Variants in MTFMT observed in about 807,000 individuals in gnomAD.
MTFMT encodes mitochondrial methionyl-tRNA formyltransferase.
MTFMT carries 47 observed loss-of-function variants against 51.8 expected under a neutral mutation model. That is an observed-to-expected ratio of 0.91 (90% confidence interval 0.72 to 1.16). The LOEUF is 1.16. Ranked by LOEUF, MTFMT falls within the 50% of genes most tolerant of loss-of-function variation. The probability of loss-of-function intolerance (pLI) is 0.00; values close to 1 mark genes in which losing one functional copy is unlikely to be tolerated. For synonymous variants in MTFMT, 196 were observed against 176.7 expected (o/e 1.11, Z -0.87); for missense variants, 512 against 482.3 (o/e 1.06, Z -0.58).
intron 6 of MTFMT, among the ~76,000 whole-genome samples, chr15:65,011,438 T>C (rs961777438): frequency 6.6e-6 from 1 of 151,658 alleles, no homozygotes; most frequent in Non-Finnish European, 1.5e-5. Flanking sequence ...ATTAGGCCCT[T>C]ATCAGTTATA....
chr15:65,016,289 T>TA, intron 6 of MTFMT, 147 bp downstream of exon 6: 1 of 540,286 alleles, frequency 1.9e-6, no homozygotes, highest in Non-Finnish European at 3.3e-6. Context: ...AGAATAAATT[T>TA]CAGGTTTTCT....
At position 65,013,759 on chromosome 15, in the gene MTFMT, C is replaced by T. The variant is rs367673756; in HGVS notation, c.813+2677G>A. 2.0e-4 allele frequency among the ~76,000 whole-genome samples: 31 copies of T among 151,948 alleles called. 1 individual carries two copies. The highest frequency in any genetic ancestry group is 7.5e-4 in the African/African-American group (31 of 41,382). The stretch of plus-strand genomic sequence containing the variant: ...AGGAGTTTGAGATCAGCCTGGCCAA[C>T]ATGGTGAAACCCCATCTCTACTAAA... On this transcript the variant is annotated intron_variant, in intron 6 of 8. Transcript: ENST00000220058.
chr15:65,019,135 C>T (rs1438402999), intron 5 of MTFMT, among the ~76,000 whole-genome samples: 1 of 152,188 alleles, frequency 6.6e-6, no homozygotes, highest in African/African-American at 2.4e-5. Context: ...AATTACCCCA[C>T]AGATTACCTG....
rs982987435 is a variant in MTFMT at position 65,026,725 on chromosome 15, A to G, written c.419+106T>C. 1.0e-4 allele frequency: 95 copies of G among 913,794 alleles called. 1 individual carries two copies. The African/African-American group carries it at 1.5e-3, about 14-fold the overall frequency. The allele number at this position is 913,794 out of a possible 1,614,324, so 56.6% of individuals were successfully genotyped here. A position where few individuals can be genotyped will look rare whatever the true frequency, so the allele number is the denominator to read the frequency against. On this transcript the variant is annotated intron_variant, in intron 2 of 8. Transcript: ENST00000220058. ...AATAAAATGGTAAAAATAAAAAAAG[A>G]AAATATTACAGAAAGCATAGAGTTC...
chr15:65,029,156 GC>G, intron 1 of MTFMT: 1 of 573,820 alleles, frequency 1.7e-6, no homozygotes, highest in Non-Finnish European at 2.2e-6. Flanking sequence ...AGCGTGGGTG[GC>G]AGGGCGCCTG....
At chr15:65,018,011 T>C (rs568603691) in intron 5 of MTFMT, among the ~76,000 whole-genome samples, 5 of 152,236 alleles carry the variant, frequency 3.3e-5, no homozygotes, top group East Asian at 1.9e-4. Flanking sequence ...ATGTTACCTA[T>C]AGAGGGAGGA....
At chr15:65,016,204 A>G in intron 6 of MTFMT, 1 of 289,752 alleles carries the variant, frequency 3.5e-6, no homozygotes, top group East Asian at 6.5e-5. Flanking sequence ...TGAAACTGCA[A>G]TATACATATA....
At chr15:65,026,642 T>C in intron 2 of MTFMT, 189 bp downstream of exon 2, 1 of 594,032 alleles carries the variant, frequency 1.7e-6, no homozygotes, top group African/African-American at 1.9e-5. Context: ...CTAAAGGCCC[T>C]TCAGTTACCT....
Position 65,029,623 on chromosome 15 carries a change from C to A in MTFMT, c.-10G>T. Reference sequence around the variant, plus strand: ...GCACCAACACCCTCATCGCCTCGGCCGCCGGCGGCCGGCCCTGCGCAGGCG... The same window carrying A: ...GCACCAACACCCTCATCGCCTCGGCAGCCGGCGGCCGGCCCTGCGCAGGCG... On this transcript the variant is annotated 5_prime_UTR_variant, in exon 1 of 9. Transcript: ENST00000220058. 6.5e-6 allele frequency: 9 copies of A among 1,375,410 alleles called. No homozygotes were observed. The highest frequency in any genetic ancestry group is 8.5e-6 in the Non-Finnish European group (9 of 1,061,696). The allele number at this position is 1,375,410 out of a possible 1,614,324, so 85.2% of individuals were successfully genotyped here.
At chr15:65,023,930 G>A (rs976090113) in intron 2 of MTFMT, 136 bp from the exon 3 acceptor site, 23 of 690,472 alleles carry the variant, frequency 3.3e-5, no homozygotes, top group Non-Finnish European at 4.5e-5. Context: ...TCTAAGTCTC[G>A]TATCACCTGA....
At chr15:65,007,849 T>C (rs1258778271) in intron 6 of MTFMT, among the ~76,000 whole-genome samples, 2 of 152,238 alleles carry the variant, frequency 1.3e-5, no homozygotes, top group Non-Finnish European at 2.9e-5. Context: ...TTTTAACTCT[T>C]ACATGTGTTG....
Position 65,003,103 on chromosome 15 carries a change from T to C in MTFMT, c.1129A>G (p.Lys377Glu), listed in dbSNP as rs34507711. The C allele has an allele frequency of 1.9e-6, 3 of 1,610,028 alleles. No homozygotes were observed. The African/African-American group carries it at 4.0e-5, about 22-fold the overall frequency. The change falls in exon 9 of 9, where the codon AAG becomes GAG. Residue 377 changes from lysine to glutamate, a missense_variant. Physicochemically the swap from Lys to Glu is moderately conservative, Grantham distance 56. Coordinates refer to ENST00000220058, the MANE Select transcript of MTFMT (RefSeq NM_139242.4). ...FQTLRLPTKK[K>E]QKKTVAMQQC... ...TGCATAGCAACAGTTTTTTTCTGCT[T>C]CTTCTTTGTTGGAAGTCTGAGAGTC... is the stretch of plus-strand genomic sequence containing the variant.
At chr15:65,022,643 T>C (rs2086383747) in intron 3 of MTFMT, among the ~76,000 whole-genome samples, 1 of 151,878 alleles carries the variant, frequency 6.6e-6, no homozygotes, top group African/African-American at 2.4e-5. Context: ...TTGTGAAAAA[T>C]TGCAAACATT....
intron 6 of MTFMT, among the ~76,000 whole-genome samples, chr15:65,007,008 T>C (rs1595888135): frequency 1.3e-5 from 2 of 152,302 alleles, no homozygotes; most frequent in South Asian, 4.1e-4. Context: ...CCTTAACACA[T>C]GCACAGTAAA....
In MTFMT at chr15:65,003,265, C is replaced by T; in HGVS notation, c.976-9G>A. The T allele has an allele frequency of 6.2e-7, 1 of 1,608,070 alleles. No homozygotes were observed. Among genetic ancestry groups the T allele is most frequent in the Non-Finnish European group, 8.5e-7 (1 of 1,176,364 alleles). On this transcript the variant is annotated splice_polypyrimidine_tract_variant and intron_variant, in intron 8 of 8. Transcript: ENST00000220058. ...ACACCAATCCAACCATCCTAAAGGGCAAAATACAAATAGTGAATAGGCAGG... is the reference window on the plus strand; with the variant it reads ...ACACCAATCCAACCATCCTAAAGGGTAAAATACAAATAGTGAATAGGCAGG...
rs1399301874 is a variant in MTFMT at position 65,004,865 on chromosome 15, C to T, written c.964G>A (p.Val322Ile). 1 of 1,599,854 alleles carries T rather than the reference C, an allele frequency of 6.3e-7. No homozygotes were observed. The highest frequency in any genetic ancestry group is 2.2e-5 in the East Asian group (1 of 44,668). ...IYHKQSQILL[V>I]YCKDGWIGVR... ...AATGAAAAACATACCTTGCAATAAA[C>T]CAATAGTATTTGTGACTGTTTGTGG... Residue 322 changes from valine (V) to isoleucine (I), a missense_variant, in exon 8 of 9, where the codon GTT (valine) becomes ATT (isoleucine). Transcript: ENST00000220058.
chr15:65,029,600 A>C lies in MTFMT; in HGVS notation c.14T>G (p.Val5Gly). MRVLVRRCWGPPLAH... is the reference protein window; with the variant it reads MRVLGRRCWGPPLAH... ...CAGCGGAGGACCCCAACAGCGCCGC[A>C]CCAACACCCTCATCGCCTCGGCCGC... is the stretch of plus-strand genomic sequence containing the variant. The change falls in exon 1 of 9, where the codon GTG becomes GGG. Residue 5 changes from valine (V) to glycine (G), a missense_variant. Physicochemically the swap from Val to Gly is moderately radical, Grantham distance 109. Coordinates refer to ENST00000220058, the MANE Select transcript of MTFMT (RefSeq NM_139242.4). 7.0e-7 allele frequency: 1 copy of C among 1,428,580 alleles called. No individual in the cohort carries two copies. Among genetic ancestry groups the C allele is most frequent in the Non-Finnish European group, 9.2e-7 (1 of 1,086,794 alleles). 88.5% of individuals were successfully genotyped at this position (1,428,580 alleles called of 1,614,324 possible).
At chr15:65,011,768 T>C (rs2086269668) in intron 6 of MTFMT, among the ~76,000 whole-genome samples, 1 of 152,038 alleles carries the variant, frequency 6.6e-6, no homozygotes, top group African/African-American at 2.4e-5. Flanking sequence ...AGTGCTGGGA[T>C]TATAGGCATG....
intron 6 of MTFMT, among the ~76,000 whole-genome samples, chr15:65,009,686 T>A (rs969732950): frequency 2.6e-4 from 5 of 19,078 alleles, no homozygotes; most frequent in African/African-American, 1.2e-3. Context: ...CGGATCTTGC[T>A]CTGTCATCCA....
Sources: gnomAD v4.1 joint callset for allele counts (sites outside exome capture counted in the v4.1 genomes callset) on GRCh38, gnomAD v4.1.1 for gene constraint, MANE v1.5 for transcripts, NCBI Gene and HGNC (gene_info 2026-07-23, HGNC 2026-07-21) for gene names.